Variants in GABRE observed in about 807,000 individuals in gnomAD.
GABRE encodes gamma-aminobutyric acid receptor subunit epsilon.
In GABRE, 20 loss-of-function variants were observed where a neutral mutation model predicts 31.0. That is an observed-to-expected ratio of 0.64 (90% CI 0.45 to 0.94). GABRE has a LOEUF of 0.94. GABRE is among the 40% of genes least tolerant of loss of function. The probability of loss-of-function intolerance (pLI) is 0.00; values close to 1 mark genes in which losing one functional copy is unlikely to be tolerated. For missense variants in GABRE, 420 were observed against 410.7 expected (o/e 1.02, Z -0.20); for synonymous variants, 155 against 150.6 (o/e 1.03, Z -0.21).
intron 4 of GABRE, 58 bp from the exon 5 acceptor site, chrX:151,961,423 G>A (rs1381837567): frequency 6.0e-6 from 5 of 831,584 alleles, no homozygotes; most frequent in East Asian, 3.1e-5. Context: ...TATCCACCCA[G>A]CTTTGGTCTA....
intron 4 of GABRE, 54 bp from the exon 5 acceptor site, chrX:151,961,419 C>A: frequency 2.3e-6 from 2 of 868,001 alleles, no homozygotes; most frequent in South Asian, 4.2e-5. Flanking sequence ...TCCGTATCCA[C>A]CCAGCTTTGG....
chrX:151,955,691 C>T lies in GABRE; in HGVS notation c.937+17G>A. 8.3e-7 allele frequency: 1 copy of T among 1,211,324 alleles called. No individual in the cohort carries two copies. The highest frequency in any genetic ancestry group is 1.1e-6 in the Non-Finnish European group (1 of 895,121). ...TCCCAGCCATGTGCCTATGCGTATA[C>T]CTGTTTCTCCTCTTACCTAGAGAGG... On this transcript the variant is annotated intron_variant, in intron 7 of 8. Coordinates refer to ENST00000370328, the MANE Select transcript of GABRE (RefSeq NM_004961.4).
At chrX:151,971,428 C>T in intron 1 of GABRE, 1 of 236,044 alleles carries the variant, frequency 4.2e-6, no homozygotes, top group South Asian at 5.1e-5. Flanking sequence ...TCATTTATGA[C>T]ACAATAGGAG....
intron 1 of GABRE, among the ~76,000 whole-genome samples, chrX:151,973,854 TG>T (rs1934801147): frequency 9.0e-6 from 1 of 111,146 alleles, no homozygotes; most frequent in Non-Finnish European, 1.9e-5. Flanking sequence ...ATAATATTCC[TG>T]GCCTCTGGCT....
intron 1 of GABRE, 110 bp from the exon 2 acceptor site, chrX:151,970,512 G>C (rs560546319): frequency 2.2e-6 from 2 of 900,513 alleles, no homozygotes; most frequent in South Asian, 5.3e-5. Flanking sequence ...ACAAAACCTA[G>C]TTAAATTGTG....
At chrX:151,962,342 C>A in intron 4 of GABRE, 81 bp downstream of exon 4, 2 of 873,713 alleles carry the variant, frequency 2.3e-6, no homozygotes, top group Non-Finnish European at 3.3e-6. Flanking sequence ...AGGATGAGAT[C>A]TCTGCCCATG....
chrX:151,955,601 T>C (rs1202740018), intron 7 of GABRE, 34 bp from the exon 8 acceptor site: 21 of 1,199,598 alleles, frequency 1.8e-5, no homozygotes, highest in Non-Finnish European at 2.1e-5. Flanking sequence ...GCTCAGCTCC[T>C]GACCTATGTG....
intron 2 of GABRE, 24 bp from the exon 3 acceptor site, chrX:151,969,760 GAGGGTA>G: frequency 8.3e-7 from 1 of 1,206,076 alleles, no homozygotes; most frequent in Non-Finnish European, 1.1e-6. Context: ...AGAAGCAGCA[GAGGGTA>G]AGTGTCAAAC....
intron 6 of GABRE, chrX:151,958,224 A>G: frequency 6.3e-6 from 1 of 158,981 alleles, no homozygotes; most frequent in South Asian, 1.3e-4. Context: ...CCATCAGTGA[A>G]GGGCAAGCCT....
Position 151,959,182 on chromosome X carries a change from T to C in GABRE, c.784+657A>G, listed in dbSNP as rs146851558. ...CATAAGTGAAGGTGCTCACATCTAA[T>C]TGGGAGCTGAAGTGTAAGATACCCA... is the stretch of plus-strand genomic sequence containing the variant. On this transcript the variant is annotated intron_variant, in intron 6 of 8. Transcript: ENST00000370328. 331 of 284,680 alleles carry C rather than the reference T, an allele frequency of 1.2e-3. 1 individual carries two copies. In the East Asian group the frequency reaches 0.02, roughly 17 times the overall value. 23.5% of individuals were successfully genotyped at this position (284,680 alleles called of 1,213,427 possible). A position where few individuals can be genotyped will look rare whatever the true frequency, so the allele number is the denominator to read the frequency against.
chrX:151,958,310 A>G, intron 6 of GABRE: 2 of 208,821 alleles, frequency 9.6e-6, no homozygotes, highest in South Asian at 1.2e-4. Flanking sequence ...CAAGATGGCC[A>G]GAGTAGCAGG....
chrX:151,967,183 T>C (rs1269832409), intron 3 of GABRE, among the ~76,000 whole-genome samples: 1 of 111,902 alleles, frequency 8.9e-6, no homozygotes, highest in Non-Finnish European at 1.9e-5. Context: ...CTAAGGAAAT[T>C]TAGCCACCAC....
chrX:151,970,111 A>G (rs1281708247), intron 2 of GABRE, 74 bp downstream of exon 2: 3 of 1,182,548 alleles, frequency 2.5e-6, no homozygotes, highest in African/African-American at 3.5e-5. Flanking sequence ...GTTACTGCCC[A>G]GGTGCATTCT....
chrX:151,970,776 T>A, intron 1 of GABRE, among the ~76,000 whole-genome samples: 1 of 111,363 alleles, frequency 9.0e-6, no homozygotes, highest in South Asian at 3.8e-4. Context: ...CAACCAGGAG[T>A]GAGGAGCAGG....
intron 1 of GABRE, 41 bp downstream of exon 1, chrX:151,974,529 C>G (rs1309919428): frequency 1.0e-6 from 1 of 998,461 alleles, no homozygotes. Flanking sequence ...GGAGAGGGAG[C>G]TGGGCGCGAA....
chrX:151,961,380 G>C lies in GABRE; in HGVS notation c.564-15C>G. 8.6e-7 allele frequency: 1 copy of C among 1,159,082 alleles called. No individual in the cohort carries two copies. Among genetic ancestry groups the C allele is most frequent in the Non-Finnish European group, 1.2e-6 (1 of 849,327 alleles). On this transcript the variant is annotated splice_polypyrimidine_tract_variant and intron_variant, in intron 4 of 8. Coordinates refer to ENST00000370328, the MANE Select transcript of GABRE (RefSeq NM_004961.4). Reference sequence around the variant, plus strand: ...CAATGGTCATCCTGGAAGGGAGAAAGGAGCCTCATCAGGCTGGCCCTAAGC... The same window carrying C: ...CAATGGTCATCCTGGAAGGGAGAAACGAGCCTCATCAGGCTGGCCCTAAGC...
At chrX:151,958,702 C>T (rs1473730798) in intron 6 of GABRE, 4 of 332,432 alleles carry the variant, frequency 1.2e-5, no homozygotes, top group Admixed American at 9.6e-5. Context: ...GGGTCCCCAC[C>T]TATCCGGGAA....
intron 1 of GABRE, chrX:151,972,226 A>C: frequency 1.3e-6 from 1 of 753,775 alleles, no homozygotes; most frequent in South Asian, 6.8e-5. Context: ...TGCCAAATCC[A>C]CACCATTTCT....
At chrX:151,960,049 C>T (rs1934312736) in intron 5 of GABRE, 73 bp from the exon 6 acceptor site, 11 of 982,199 alleles carry the variant, frequency 1.1e-5, no homozygotes, top group Non-Finnish European at 1.5e-5. Flanking sequence ...AGCATGAAGT[C>T]AGCCTGCACA....
Sources: allele counts gnomAD v4.1 joint callset (sites outside exome capture counted in the v4.1 genomes callset), GRCh38; gene constraint gnomAD v4.1.1; transcripts MANE v1.5; gene names NCBI Gene and HGNC (gene_info 2026-07-23, HGNC 2026-07-21).